The following SLFN12L variants were observed in gnomAD, a reference collection of about 807,000 sequenced individuals.
SLFN12L encodes the protein schlafen family member 12-like.
SLFN12L carries 34 observed loss-of-function variants against 34.8 expected under a neutral mutation model. The observed-to-expected ratio is 0.98, with a 90% CI of 0.74 to 1.30. SLFN12L has a LOEUF of 1.30. SLFN12L is among the 50% of genes most tolerant of loss of function. The pLI, the probability that SLFN12L is intolerant of heterozygous loss-of-function variation, is 0.00. For synonymous variants in SLFN12L, 259 were observed against 247.5 expected, an observed-to-expected ratio of 1.05 and a Z score of -0.44; for missense variants, 703 against 696.2, an observed-to-expected ratio of 1.01 and a Z score of -0.11.
chr17:35,490,683 C>T (rs891914745), intron 2 of SLFN12L: 9 of 1,133,038 alleles, frequency 7.9e-6, no homozygotes, highest in Non-Finnish European at 1.2e-5. Context: ...AACTATTAAC[C>T]GAGGATTCAG....
At chr17:35,501,363 C>T (rs1297886380) in intron 2 of SLFN12L, among the ~76,000 whole-genome samples, 1 of 152,214 alleles carries the variant, frequency 6.6e-6, no homozygotes, top group East Asian at 1.9e-4. Flanking sequence ...AGACCTTGCC[C>T]ACTCCATTTT....
At chr17:35,495,711 C>A (rs531572017) in intron 2 of SLFN12L, among the ~76,000 whole-genome samples, 7 of 150,682 alleles carry the variant, frequency 4.6e-5, no homozygotes, top group Admixed American at 4.6e-4. Flanking sequence ...GCTCGCGAGC[C>A]GCAGAGATTG....
intron 2 of SLFN12L, among the ~76,000 whole-genome samples, chr17:35,521,175 T>C (rs1333284388): frequency 6.6e-6 from 1 of 151,980 alleles, no homozygotes; most frequent in East Asian, 1.9e-4. Context: ...GTCTGAAAAA[T>C]TATCACAGAT....
At chr17:35,499,130 A>G (rs746678956) in intron 2 of SLFN12L, 30 of 857,812 alleles carry the variant, frequency 3.5e-5, no homozygotes, top group Non-Finnish European at 5.1e-5. Context: ...AGTCCTGTCA[A>G]GTAGACATGT....
intron 2 of SLFN12L, chr17:35,490,898 A>G (rs1426407980): frequency 2.4e-6 from 2 of 832,572 alleles, no homozygotes; most frequent in African/African-American, 1.7e-5. Flanking sequence ...ACACAGTCCA[A>G]TGACAACAAA....
intron 1 of SLFN12L, among the ~76,000 whole-genome samples, chr17:35,536,887 C>T (rs1031987827): frequency 6.6e-6 from 1 of 151,482 alleles, no homozygotes; most frequent in African/African-American, 2.4e-5. Context: ...AGAATCTTCA[C>T]AGGCGAGGCT....
At chr17:35,485,936 C>T (rs937486565) in intron 2 of SLFN12L, among the ~76,000 whole-genome samples, 7 of 152,146 alleles carry the variant, frequency 4.6e-5, no homozygotes, top group Admixed American at 3.9e-4. Flanking sequence ...TGGTGTAAGG[C>T]TCCCTATCCT....
intron 2 of SLFN12L, among the ~76,000 whole-genome samples, chr17:35,494,670 G>A (rs1180591434): frequency 1.3e-5 from 2 of 152,112 alleles, no homozygotes; most frequent in African/African-American, 4.8e-5. Context: ...GGATCCAGAA[G>A]CAGGCAATAT....
At chr17:35,518,555 A>G (rs1484434893) in intron 2 of SLFN12L, among the ~76,000 whole-genome samples, 3 of 151,872 alleles carry the variant, frequency 2.0e-5, no homozygotes, top group South Asian at 2.1e-4. Context: ...TATTTAAAAA[A>G]AAAAAAAAAA....
At position 35,479,360 on chromosome 17, in the gene SLFN12L, T is replaced by C; in HGVS notation, c.922A>G (p.Asn308Asp). ...TGCACAGGCAGTTTCCCAATGGAAT[T>C]TTTTGTTACTTCTTCTAACTTAGTA... Reference protein sequence around the residue: ...YLTKLEEVTKNSIGKLPVHHF... With the variant: ...YLTKLEEVTKDSIGKLPVHHF... The change falls in exon 3 of 5, where the codon AAT (asparagine) becomes GAT (aspartate). Residue 308 changes from asparagine (N) to aspartate (D), a missense_variant. By Grantham distance (23) the Asn-to-Asp change is conservative. Transcript: ENST00000628453. 6.3e-7 allele frequency: 1 copy of C among 1,595,338 alleles called. No individual in the cohort carries two copies. The highest frequency in any genetic ancestry group is 8.6e-7 in the Non-Finnish European group (1 of 1,169,382).
intron 2 of SLFN12L, among the ~76,000 whole-genome samples, chr17:35,485,116 T>G (rs980093040): frequency 5.9e-5 from 9 of 152,232 alleles, no homozygotes; most frequent in African/African-American, 1.7e-4. Context: ...AGTTTTTTCT[T>G]TCATCAATCT....
chr17:35,467,363 T>C lies in SLFN12L; in HGVS notation c.*7560A>G, dbSNP rs1014396434. 2.0e-5 allele frequency among the ~76,000 whole-genome samples: 3 copies of C among 152,196 alleles called. No individual in the cohort carries two copies. Among genetic ancestry groups the C allele is most frequent in the African/African-American group, 7.2e-5 (3 of 41,460 alleles). On this transcript the variant is annotated 3_prime_UTR_variant, in exon 5 of 5. Transcript: ENST00000628453. Reference sequence around the variant, plus strand: ...TTGTCCCTTTCAGATTAAGGAACACTAAGAACCTCTTTCCTCTTAGATACC... The same window carrying C: ...TTGTCCCTTTCAGATTAAGGAACACCAAGAACCTCTTTCCTCTTAGATACC...
At position 35,494,690 on chromosome 17, in the gene SLFN12L, T is replaced by A. The variant is rs574898322; in HGVS notation, c.87-14495A>T. ...CAGAAGCAGGCAATATATAGTCAGC[T>A]GATTTAGAATGCAGGAAGGGAGCAA... On this transcript the variant is annotated intron_variant, in intron 2 of 4. Transcript: ENST00000628453. Among the ~76,000 whole-genome samples, 5 of 152,180 alleles carry A rather than the reference T, an allele frequency of 3.3e-5. 1 individual carries two copies. In the South Asian group the frequency reaches 8.3e-4, roughly 25 times the overall value.
intron 4 of SLFN12L, among the ~76,000 whole-genome samples, chr17:35,476,520 A>AGG (rs1301004882): frequency 7.1e-5 from 10 of 140,486 alleles, no homozygotes; most frequent in Admixed American, 2.9e-4. Context: ...GAAGGAAGGA[A>AGG]AGAAGGAAGG....
rs192551180 is a variant in SLFN12L at position 35,479,232 on chromosome 17, T to C, written c.1050A>G (p.Glu350=). ...LCGYVYALRV[E]RFCCAVFAKK... is the part of the protein sequence containing the mutation. ...TAGCAAACACTGCACAGCAGAAGCG[T>C]TCCACTCTGAGTGCATACACATATC... The change falls in exon 3 of 5, where the codon GAA becomes GAG. Residue 350 remains glutamate (E), a synonymous_variant. Coordinates refer to ENST00000628453, the MANE Select transcript of SLFN12L (RefSeq NM_001363830.2). 1.6e-4 allele frequency: 251 copies of C among 1,591,510 alleles called. No individual in the cohort carries two copies. The African/African-American group carries it at 3.1e-3, about 20-fold the overall frequency.
In SLFN12L at chr17:35,469,945, C is replaced by T. The variant is rs1913779541; in HGVS notation, c.*4978G>A. The T allele has an allele frequency of 1.3e-5, 2 of 152,168 alleles. No individual in the cohort carries two copies. Among genetic ancestry groups the T allele is most frequent in the Admixed American group, 6.6e-5 (1 of 15,264 alleles). The allele number at this position is 152,168 out of a possible 1,614,324, so 9.4% of individuals were successfully genotyped here. On this transcript the variant is annotated 3_prime_UTR_variant, in exon 5 of 5. Transcript: ENST00000628453. ...TAATAAAGGTTCCGAATTAGATTTT[C>T]CCCTCACTTCTGCTCCTCTTTCCTT...
intron 2 of SLFN12L, among the ~76,000 whole-genome samples, chr17:35,509,656 T>C (rs557004706): frequency 1.6e-4 from 24 of 152,188 alleles, no homozygotes; most frequent in African/African-American, 5.8e-4. Flanking sequence ...TTAAAACTCA[T>C]AGTATTATTT....
In SLFN12L at chr17:35,468,136, C is replaced by A. The variant is rs2142117389; in HGVS notation, c.*6787G>T. Among the ~76,000 whole-genome samples, 1 of 152,266 alleles carries A rather than the reference C, an allele frequency of 6.6e-6. No homozygotes were observed. Among genetic ancestry groups the A allele is most frequent in the South Asian group, 2.1e-4 (1 of 4,820 alleles). ...ATGTTGCCCAGGCTGGTCTTGAATG[C>A]CTGAGCTCAAGCAATGCACCTGCTT... is the stretch of plus-strand genomic sequence containing the variant. On this transcript the variant is annotated 3_prime_UTR_variant, in exon 5 of 5. Coordinates refer to ENST00000628453, the MANE Select transcript of SLFN12L (RefSeq NM_001363830.2).
At chr17:35,490,753 G>A in intron 2 of SLFN12L, 1 of 1,488,818 alleles carries the variant, frequency 6.7e-7, no homozygotes, top group Non-Finnish European at 9.4e-7. Context: ...TGGCCTTAAA[G>A]ACCAAACTGT....
Sources: gnomAD v4.1 joint callset for allele counts (sites outside exome capture counted in the v4.1 genomes callset) on GRCh38, gnomAD v4.1.1 for gene constraint, MANE v1.5 for transcripts, NCBI Gene and HGNC (gene_info 2026-07-23, HGNC 2026-07-21) for gene names.